Variants in TENM2 observed in about 807,000 individuals in gnomAD.
TENM2 encodes teneurin transmembrane protein 2.
In TENM2, 52 loss-of-function variants were observed where a neutral mutation model predicts 245.2. That is an observed-to-expected ratio of 0.21 (90% confidence interval 0.17 to 0.27). The LOEUF (loss-of-function observed/expected upper bound fraction) is 0.27. TENM2 is among the 10% of genes least tolerant of loss of function. The pLI is 1.00. For synonymous variants in TENM2, 1,363 were observed against 1,438.9 expected, an observed-to-expected ratio of 0.95 and a Z score of 1.19; for missense variants, 3,046 against 3,666.8, an observed-to-expected ratio of 0.83 and a Z score of 4.37.
chr5:167,935,780 C>T (rs944551263), intron 3 of TENM2, among the ~76,000 whole-genome samples: 16 of 152,178 alleles, frequency 1.1e-4, no homozygotes, highest in Admixed American at 4.6e-4. Flanking sequence ...TAGATGTCTC[C>T]GTAAGTTGCC....
chr5:168,142,666 C>T (rs1755660576), intron 12 of TENM2, among the ~76,000 whole-genome samples: 1 of 152,188 alleles, frequency 6.6e-6, no homozygotes, highest in Non-Finnish European at 1.5e-5. Flanking sequence ...TGGCTGGGGG[C>T]ATTGCCTTTT....
At chr5:167,518,410 G>T (rs555413780) in intron 2 of TENM2, among the ~76,000 whole-genome samples, 2 of 152,094 alleles carry the variant, frequency 1.3e-5, no homozygotes, top group African/African-American at 4.8e-5. Flanking sequence ...GAGAAATTAT[G>T]TTAATGACTG....
At position 167,345,053 on chromosome 5, in the gene TENM2, T is replaced by G. The variant is rs1758375006; in HGVS notation, c.227-30145T>G. Among the ~76,000 whole-genome samples, 3 of 152,190 alleles carry G rather than the reference T, an allele frequency of 2.0e-5. No homozygotes were observed. In the South Asian group the frequency reaches 6.2e-4, roughly 32 times the overall value. On this transcript the variant is annotated intron_variant, in intron 1 of 28. Coordinates refer to ENST00000518659, the Ensembl canonical transcript of TENM2. ...AGCATCTTCCTATTGCGTTGCTGAT[T>G]AGAATTTTATAGGGAACATAAAGTC...
At chr5:167,623,258 C>T (rs1432691108) in intron 2 of TENM2, among the ~76,000 whole-genome samples, 2 of 152,140 alleles carry the variant, frequency 1.3e-5, no homozygotes, top group Non-Finnish European at 2.9e-5. Context: ...TAGGTTCTAT[C>T]TATTATTATT....
intron 12 of TENM2, among the ~76,000 whole-genome samples, chr5:168,140,613 G>C (rs578178100): frequency 6.6e-5 from 10 of 152,132 alleles, no homozygotes; most frequent in Non-Finnish European, 1.3e-4. Flanking sequence ...CCATTACAAC[G>C]TGTCTCTGCA....
intron 5 of TENM2, among the ~76,000 whole-genome samples, chr5:168,017,742 C>A (rs1785784531): frequency 6.6e-6 from 1 of 152,186 alleles, no homozygotes; most frequent in Non-Finnish European, 1.5e-5. Context: ...GCTTCATTGG[C>A]TCAATAATTA....
At chr5:167,861,704 G>A (rs559515424) in intron 2 of TENM2, among the ~76,000 whole-genome samples, 57 of 152,272 alleles carry the variant, frequency 3.7e-4, no homozygotes, top group African/African-American at 1.4e-3. Flanking sequence ...CTGGCTCAGA[G>A]AAACCTATAT....
chr5:167,711,315 A>G (rs1464537738), intron 2 of TENM2, among the ~76,000 whole-genome samples: 1 of 152,222 alleles, frequency 6.6e-6, no homozygotes, highest in Non-Finnish European at 1.5e-5. Context: ...ATTCTCATAT[A>G]TCGAGTATGG....
intron 2 of TENM2, among the ~76,000 whole-genome samples, chr5:167,859,449 C>T (rs1210887877): frequency 4.5e-5 from 6 of 134,068 alleles, no homozygotes; most frequent in African/African-American, 1.1e-4. Context: ...CCCGGCCGCC[C>T]CTACTGGGAA....
chr5:168,011,689 A>C (rs1371406327), intron 5 of TENM2, among the ~76,000 whole-genome samples: 1 of 152,160 alleles, frequency 6.6e-6, no homozygotes, highest in East Asian at 1.9e-4. Flanking sequence ...AAGCTGTGGC[A>C]TTAAGTTCCA....
At chr5:167,957,834 A>C (rs1780682170) in intron 4 of TENM2, among the ~76,000 whole-genome samples, 1 of 152,210 alleles carries the variant, frequency 6.6e-6, no homozygotes, top group East Asian at 1.9e-4. Flanking sequence ...CTGTGGTCTG[A>C]GAGACTGTTT....
At chr5:167,300,855 G>C (rs1382045274) in intron 1 of TENM2, among the ~76,000 whole-genome samples, 1 of 152,154 alleles carries the variant, frequency 6.6e-6, no homozygotes, top group Non-Finnish European at 1.5e-5. Flanking sequence ...TAGTTAAAGT[G>C]TCTCGGCCTA....
chr5:167,424,210 T>C (rs925139290), intron 2 of TENM2, among the ~76,000 whole-genome samples: 5 of 152,126 alleles, frequency 3.3e-5, no homozygotes, highest in Non-Finnish European at 5.9e-5. Context: ...TGTCTTGTTC[T>C]CTCAGTCATT....
intron 1 of TENM2, among the ~76,000 whole-genome samples, chr5:167,323,364 C>A: frequency 6.6e-6 from 1 of 151,934 alleles, no homozygotes; most frequent in Non-Finnish European, 1.5e-5. Flanking sequence ...AAAATAAAAC[C>A]TTTGTTTTAT....
At chr5:168,200,160 T>C in intron 17 of TENM2, 29 bp downstream of exon 19, 1 of 1,595,916 alleles carries the variant, frequency 6.3e-7, no homozygotes, top group Non-Finnish European at 8.6e-7. Context: ...CACTTATTGA[T>C]CAATGGATTT....
At chr5:167,419,129 G>GTGGATAGATAGA (rs1763338449) in intron 2 of TENM2, among the ~76,000 whole-genome samples, 1 of 150,280 alleles carries the variant, frequency 6.7e-6, no homozygotes, top group Non-Finnish European at 1.5e-5. Flanking sequence ...AGATGTGTAT[G>GTGGATAGATAGA]TAGATAGATA....
At chr5:167,239,378 G>A in the TENM2 span, among the ~76,000 whole-genome samples, 1 of 152,030 alleles carries the variant, frequency 6.6e-6, no homozygotes, top group African/African-American at 2.4e-5. Flanking sequence ...ATTTCTCTGG[G>A]GCTGTTCTTT....
intron 1 of TENM2, among the ~76,000 whole-genome samples, chr5:167,312,522 G>C (rs907214334): frequency 1.3e-5 from 2 of 152,068 alleles, no homozygotes; most frequent in South Asian, 4.1e-4. Context: ...TCTCATTTTC[G>C]ATGTATCTGT....
intron 1 of TENM2, among the ~76,000 whole-genome samples, chr5:167,366,681 A>G (rs1266338163): frequency 1.3e-5 from 2 of 152,150 alleles, no homozygotes; most frequent in Non-Finnish European, 2.9e-5. Context: ...AAAAGGGGAA[A>G]CTATATAAAA....
Sources: allele counts gnomAD v4.1 joint callset (sites outside exome capture counted in the v4.1 genomes callset), GRCh38; gene constraint gnomAD v4.1.1; transcripts MANE v1.5; gene names NCBI Gene and HGNC (gene_info 2026-07-23, HGNC 2026-07-21).